The following HERC4 variants were observed in gnomAD, a reference collection of about 807,000 sequenced individuals.
The protein encoded by HERC4 is probable E3 ubiquitin-protein ligase HERC4.
Under a neutral mutation model 124.3 loss-of-function variants are expected in HERC4, and 28 were observed. The ratio of observed to expected loss-of-function variants is 0.23; its 90% confidence interval spans 0.17 to 0.31. The LOEUF is 0.31. HERC4 is among the 10% of genes least tolerant of loss of function. HERC4 has a pLI of 1.00. For synonymous variants in HERC4, 407 were observed against 421.5 expected, an observed-to-expected ratio of 0.97 and a Z score of 0.42; for missense variants, 713 against 1,229.3, an observed-to-expected ratio of 0.58 and a Z score of 6.28.
At chr10:68,059,507 A>AATATTATATATTATAACATTATATATC (rs1564607152) in intron 3 of HERC4, among the ~76,000 whole-genome samples, 2 of 121,330 alleles carry the variant, frequency 1.6e-5, no homozygotes, top group African/African-American at 5.9e-5. Context: ...TATATATTAT[A>AATATTATATATTATAACATTATATATC]ATATTATATA....
intron 14 of HERC4, among the ~76,000 whole-genome samples, chr10:67,989,239 CT>C: frequency 6.6e-6 from 1 of 152,118 alleles, no homozygotes; most frequent in East Asian, 1.9e-4. Flanking sequence ...TAACTTTTAT[CT>C]TTCAATTTAA....
chr10:68,012,061 A>G (rs2037988793), intron 9 of HERC4, among the ~76,000 whole-genome samples: 1 of 152,214 alleles, frequency 6.6e-6, no homozygotes, highest in South Asian at 2.1e-4. Context: ...GCTAGCTTCA[A>G]GCTTTTCTTC....
intron 3 of HERC4, among the ~76,000 whole-genome samples, chr10:68,046,943 G>A (rs2040041977): frequency 6.6e-6 from 1 of 152,028 alleles, no homozygotes; most frequent in Non-Finnish European, 1.5e-5. Context: ...GGGCTATAGA[G>A]GGAGACTGTG....
chr10:68,074,496 G>A (rs942481259), intron 1 of HERC4, among the ~76,000 whole-genome samples: 2 of 152,120 alleles, frequency 1.3e-5, no homozygotes, highest in Non-Finnish European at 2.9e-5. Flanking sequence ...CGACTTCAGC[G>A]CGCGAGGTTT....
intron 20 of HERC4, among the ~76,000 whole-genome samples, chr10:67,940,614 T>C (rs1589138262): frequency 1.3e-5 from 2 of 152,106 alleles, no homozygotes; most frequent in Admixed American, 6.5e-5. Flanking sequence ...AGATGGGGTT[T>C]CGCCATGTTG....
chr10:68,040,500 TGTTAGAACTC>T, intron 4 of HERC4: 1 of 712,078 alleles, frequency 1.4e-6, no homozygotes, highest in Non-Finnish European at 1.7e-6. Context: ...TAAATAAATT[TGTTAGAACTC>T]ATCAAAAGTA....
chr10:68,052,508 C>G (rs1356918327), intron 3 of HERC4, among the ~76,000 whole-genome samples: 2 of 152,130 alleles, frequency 1.3e-5, no homozygotes, highest in Non-Finnish European at 2.9e-5. Flanking sequence ...CGAACTACAT[C>G]AAGTACATTT....
At chr10:67,967,123 G>C (rs2034930951) in intron 15 of HERC4, among the ~76,000 whole-genome samples, 1 of 152,096 alleles carries the variant, frequency 6.6e-6, no homozygotes, top group African/African-American at 2.4e-5. Context: ...CAAAGTGTTG[G>C]GATTACAGGC....
At chr10:68,035,716 GCCTT>G (rs2039426468) in intron 5 of HERC4, among the ~76,000 whole-genome samples, 1 of 151,994 alleles carries the variant, frequency 6.6e-6, no homozygotes, top group Admixed American at 6.6e-5. Flanking sequence ...TAGCCGTATT[GCCTT>G]CCTTTATATT....
intron 3 of HERC4, chr10:68,070,172 CTTT>C: frequency 1.0e-6 from 1 of 984,734 alleles, no homozygotes; most frequent in Non-Finnish European, 1.2e-6. Context: ...GATCCAACAA[CTTT>C]TTATCTTTTA....
At chr10:68,051,929 A>G (rs1373460574) in intron 3 of HERC4, among the ~76,000 whole-genome samples, 1 of 152,002 alleles carries the variant, frequency 6.6e-6, no homozygotes, top group Non-Finnish European at 1.5e-5. Context: ...TCAGCCTCCC[A>G]AAGTGTTGAG....
intron 3 of HERC4, among the ~76,000 whole-genome samples, chr10:68,066,292 T>C (rs1399779409): frequency 1.3e-5 from 2 of 152,216 alleles, no homozygotes; most frequent in Non-Finnish European, 2.9e-5. Context: ...ATACAGAACC[T>C]AAGAATCTTT....
chr10:68,066,660 A>T (rs1027603227), intron 3 of HERC4, among the ~76,000 whole-genome samples: 2 of 152,232 alleles, frequency 1.3e-5, no homozygotes, highest in African/African-American at 4.8e-5. Context: ...TTCCAAGGTT[A>T]GCCACCAAAT....
chr10:67,990,203 A>T lies in HERC4; in HGVS notation c.1633+8T>A, dbSNP rs200242848. Reference sequence around the variant, plus strand: ...AGGTTTCAAAAGAAAAAATATTAGAATTCTTACCAAGTACTTTCAGTGGTG... The same window carrying T: ...AGGTTTCAAAAGAAAAAATATTAGATTTCTTACCAAGTACTTTCAGTGGTG... On this transcript the variant is annotated splice_region_variant and intron_variant, in intron 14 of 24. Transcript: ENST00000373700. 1.8e-5 allele frequency: 29 copies of T among 1,578,906 alleles called. No homozygotes were observed. Among genetic ancestry groups the T allele is most frequent in the South Asian group, 2.4e-5 (2 of 83,434 alleles).
intron 6 of HERC4, among the ~76,000 whole-genome samples, chr10:68,033,644 C>T (rs1463476164): frequency 6.6e-6 from 1 of 152,134 alleles, no homozygotes; most frequent in East Asian, 1.9e-4. Context: ...TGTTACTTCC[C>T]CAGAATAATT....
intron 23 of HERC4, among the ~76,000 whole-genome samples, chr10:67,927,278 C>CTGATTAAGA (rs1250449794): frequency 2.7e-5 from 4 of 150,328 alleles, no homozygotes; most frequent in Admixed American, 2.7e-4. Flanking sequence ...CACACATGTC[C>CTGATTAAGA]TGATTAAGAA....
At chr10:67,931,375 C>T (rs2031785951) in intron 23 of HERC4, among the ~76,000 whole-genome samples, 1 of 152,088 alleles carries the variant, frequency 6.6e-6, no homozygotes, top group African/African-American at 2.4e-5. Flanking sequence ...AAAAAGGAAA[C>T]AAAGATTTTT....
chr10:68,075,032 C>T (rs1488025836), intron 1 of HERC4, 112 bp downstream of exon 1: 3 of 152,872 alleles, frequency 2.0e-5, no homozygotes, highest in Non-Finnish European at 4.4e-5. Context: ...TGAAGCACGT[C>T]TCCGGCTCCT....
chr10:68,058,094 C>T (rs898777226), intron 3 of HERC4, among the ~76,000 whole-genome samples: 1 of 152,086 alleles, frequency 6.6e-6, no homozygotes, highest in African/African-American at 2.4e-5. Context: ...AAAAAAAAGG[C>T]ATCTTTAATT....
Sources: gnomAD v4.1 joint callset for allele counts (sites outside exome capture counted in the v4.1 genomes callset) on GRCh38, gnomAD v4.1.1 for gene constraint, MANE v1.5 for transcripts, NCBI Gene and HGNC (gene_info 2026-07-23, HGNC 2026-07-21) for gene names.